Variants in MYO5A observed in about 807,000 individuals in gnomAD.
MYO5A encodes myosin VA.
MYO5A carries 98 observed loss-of-function variants against 249.7 expected under a neutral mutation model. The observed-to-expected ratio is 0.39, with a 90% CI of 0.33 to 0.46. The LOEUF (loss-of-function observed/expected upper bound fraction) is 0.46. Among genes scored for constraint, MYO5A ranks in the 20% least tolerant of loss-of-function variants. The pLI is 0.98. For synonymous variants in MYO5A, 778 were observed against 810.6 expected (o/e 0.96, Z 0.68); for missense variants, 1,696 against 2,308.8 (o/e 0.73, Z 5.44).
Position 52,332,959 on chromosome 15 carries a change from C to A in MYO5A, c.4409-2460G>T, listed in dbSNP as rs533422910. On this transcript the variant is annotated intron_variant, in intron 34 of 41. Coordinates refer to ENST00000399233, the MANE Select transcript of MYO5A (RefSeq NM_001382347.1). Reference sequence around the variant, plus strand: ...CAGCCTGAGTGATGAAAGCCAAACTCCATCTCAATAAATAAATAAATAAAG... The same window carrying A: ...CAGCCTGAGTGATGAAAGCCAAACTACATCTCAATAAATAAATAAATAAAG... Among the ~76,000 whole-genome samples, 5 of 152,086 alleles carry A rather than the reference C, an allele frequency of 3.3e-5. No individual in the cohort carries two copies. The East Asian group carries it at 7.8e-4, about 24-fold the overall frequency.
At chr15:52,404,340 T>C (rs1176335483) in intron 9 of MYO5A, among the ~76,000 whole-genome samples, 1 of 151,888 alleles carries the variant, frequency 6.6e-6, no homozygotes, top group African/African-American at 2.4e-5. Context: ...TATTTTATAT[T>C]ATATCATGTC....
chr15:52,349,417 G>T (rs1192835408), intron 28 of MYO5A, among the ~76,000 whole-genome samples: 1 of 151,974 alleles, frequency 6.6e-6, no homozygotes, highest in Non-Finnish European at 1.5e-5. Flanking sequence ...ATTTCTCCTA[G>T]GATGGGACAC....
chr15:52,476,797 C>T (rs185541400), intron 1 of MYO5A, among the ~76,000 whole-genome samples: 103 of 151,896 alleles, frequency 6.8e-4, no homozygotes, highest in South Asian at 6.5e-3. Context: ...TGTGGGTAAC[C>T]GGACCTTTCT....
intron 3 of MYO5A, among the ~76,000 whole-genome samples, chr15:52,427,139 C>A (rs1284539393): frequency 6.9e-6 from 1 of 145,600 alleles, no homozygotes; most frequent in African/African-American, 2.5e-5. Flanking sequence ...AATTGTTTTT[C>A]CTTTTTTTAT....
chr15:52,360,417 T>C (rs1412538543), intron 24 of MYO5A, among the ~76,000 whole-genome samples: 1 of 152,202 alleles, frequency 6.6e-6, no homozygotes, highest in African/African-American at 2.4e-5. Context: ...TGGGTGAAGC[T>C]TCCAAGCACT....
intron 1 of MYO5A, among the ~76,000 whole-genome samples, chr15:52,487,231 CA>C (rs1219650370): frequency 6.6e-6 from 1 of 151,956 alleles, no homozygotes; most frequent in Non-Finnish European, 1.5e-5. Flanking sequence ...GCCTGGGCAA[CA>C]TAGGGAAACC....
At chr15:52,417,432 C>G (rs1314503594) in intron 4 of MYO5A, among the ~76,000 whole-genome samples, 1 of 152,320 alleles carries the variant, frequency 6.6e-6, no homozygotes, top group East Asian at 1.9e-4. Context: ...ACTCTAGCTC[C>G]TATTAAAGTA....
chr15:52,354,117 A>G, intron 25 of MYO5A, 103 bp from the exon 26 acceptor site: 1 of 1,326,038 alleles, frequency 7.5e-7, no homozygotes, highest in Admixed American at 1.9e-5. Flanking sequence ...AAACTTACAG[A>G]ATAAGAAATA....
chr15:52,492,674 C>T (rs1051909409), intron 1 of MYO5A, among the ~76,000 whole-genome samples: 1 of 152,176 alleles, frequency 6.6e-6, no homozygotes, highest in African/African-American at 2.4e-5. Context: ...CAAAGGACAG[C>T]AATCAGGCCT....
intron 1 of MYO5A, among the ~76,000 whole-genome samples, chr15:52,463,133 T>A (rs1344880112): frequency 6.6e-6 from 1 of 152,184 alleles, no homozygotes; most frequent in Non-Finnish European, 1.5e-5. Flanking sequence ...GAGTGACAGG[T>A]ACTCCAACTG....
chr15:52,473,959 T>C (rs556700582), intron 1 of MYO5A, among the ~76,000 whole-genome samples: 30 of 152,312 alleles, frequency 2.0e-4, no homozygotes, highest in Non-Finnish European at 2.8e-4. Context: ...GGGGATGGCA[T>C]TGAATCTATA....
intron 24 of MYO5A, among the ~76,000 whole-genome samples, chr15:52,363,667 T>C (rs1452319133): frequency 1.3e-5 from 2 of 152,218 alleles, no homozygotes; most frequent in African/African-American, 4.8e-5. Context: ...TTTCAGGGCA[T>C]TTCTGGTCAT....
chr15:52,451,815 G>A (rs947755631), intron 1 of MYO5A, among the ~76,000 whole-genome samples: 8 of 152,074 alleles, frequency 5.3e-5, no homozygotes, highest in Admixed American at 3.3e-4. Flanking sequence ...CTTCCCTGAC[G>A]TGTCTATCTA....
At chr15:52,476,798 G>T (rs927588082) in intron 1 of MYO5A, among the ~76,000 whole-genome samples, 3 of 152,070 alleles carry the variant, frequency 2.0e-5, no homozygotes, top group South Asian at 2.1e-4. Flanking sequence ...GTGGGTAACC[G>T]GACCTTTCTC....
chr15:52,366,800 G>A (rs2040835292), intron 23 of MYO5A, among the ~76,000 whole-genome samples: 1 of 151,980 alleles, frequency 6.6e-6, no homozygotes, highest in Non-Finnish European at 1.5e-5. Flanking sequence ...GACTGAACCG[G>A]AGTTCACATT....
intron 1 of MYO5A, among the ~76,000 whole-genome samples, chr15:52,509,894 G>GA (rs34310450): frequency 8.2e-4 from 120 of 146,980 alleles, no homozygotes; most frequent in Admixed American, 3.0e-3. Flanking sequence ...ATCTCTTGGA[G>GA]AAAAAAAAAA....
chr15:52,398,600 G>A (rs1448451634), intron 9 of MYO5A, among the ~76,000 whole-genome samples: 1 of 152,116 alleles, frequency 6.6e-6, no homozygotes, highest in African/African-American at 2.4e-5. Flanking sequence ...TTTCTCCCAA[G>A]TAATCACTTT....
rs778291355 is a variant in MYO5A at position 52,379,746 on chromosome 15, A to G, written c.2100-13T>C. The G allele has an allele frequency of 7.1e-5, 115 of 1,613,992 alleles. No individual in the cohort carries two copies. The highest frequency in any genetic ancestry group is 9.6e-5 in the Non-Finnish European group (113 of 1,179,956). Reference sequence around the variant, plus strand: ...TTGGTAAGTCCACCTATTAAAAGAAAACCATCTGAGTTTACTTAAAGAACT... The same window carrying G: ...TTGGTAAGTCCACCTATTAAAAGAAGACCATCTGAGTTTACTTAAAGAACT... On this transcript the variant is annotated splice_polypyrimidine_tract_variant and intron_variant, in intron 17 of 41. Transcript: ENST00000399233.
intron 29 of MYO5A, 26 bp from the exon 30 acceptor site, chr15:52,346,487 C>T: frequency 7.2e-7 from 1 of 1,382,996 alleles, no homozygotes; most frequent in Non-Finnish European, 1.0e-6. Context: ...CACATTTACG[C>T]ATTAAGATTC....
Sources: allele counts gnomAD v4.1 joint callset (sites outside exome capture counted in the v4.1 genomes callset), GRCh38; gene constraint gnomAD v4.1.1; transcripts MANE v1.5; gene names NCBI Gene and HGNC (gene_info 2026-07-23, HGNC 2026-07-21).